B4GALT7: variants seen among roughly 807,000 people sequenced by gnomAD.
The protein encoded by B4GALT7 is beta-1,4-galactosyltransferase 7.
A neutral mutation model predicts 33.0 loss-of-function variants in B4GALT7; 30 were observed. The ratio of observed to expected loss-of-function variants is 0.91; its 90% CI spans 0.68 to 1.23. B4GALT7 has a LOEUF of 1.23. Ranked by LOEUF, B4GALT7 falls within the 50% of genes most tolerant of loss-of-function variation. The pLI is 0.00. For synonymous variants in B4GALT7, 213 were observed against 187.2 expected (o/e 1.14, Z -1.13); for missense variants, 507 against 450.8 (o/e 1.12, Z -1.13).
chr5:177,605,370 T>G, intron 2 of B4GALT7: 1 of 252,054 alleles, frequency 4.0e-6, no homozygotes, highest in African/African-American at 2.3e-5. Flanking sequence ...ATGCCGATGA[T>G]GCCCCTGCCA....
chr5:177,610,159 C>T lies in B4GALT7; in HGVS notation c.*464C>T, dbSNP rs2127514981. 1.0e-5 allele frequency: 2 copies of T among 198,838 alleles called. No homozygotes were observed. Among genetic ancestry groups the T allele is most frequent in the African/African-American group, 4.6e-5 (2 of 43,594 alleles). The allele number at this position is 198,838 out of a possible 1,614,324, so 12.3% of individuals were successfully genotyped here. A position where few individuals can be genotyped will look rare whatever the true frequency, so the allele number is the denominator to read the frequency against. ...GGACTTCAGAAACCAGAGCACAAGCCCCACAGAGGGGGAACAGCCAGCACC... is the reference window on the plus strand; with the variant it reads ...GGACTTCAGAAACCAGAGCACAAGCTCCACAGAGGGGGAACAGCCAGCACC... On this transcript the variant is annotated 3_prime_UTR_variant, in exon 6 of 6. Transcript: ENST00000029410.
chr5:177,604,566 C>T, intron 2 of B4GALT7, 25 bp downstream of exon 2: 4 of 1,613,152 alleles, frequency 2.5e-6, no homozygotes, highest in Non-Finnish European at 8.5e-7. Context: ...CACCCTCTCC[C>T]CTCGGCACCC....
At chr5:177,605,084 C>G (rs1326017211) in intron 2 of B4GALT7, 1 of 455,532 alleles carries the variant, frequency 2.2e-6, no homozygotes, top group Non-Finnish European at 4.4e-6. Context: ...CCCCACCAGC[C>G]TGATCTTCCC....
At position 177,604,532 on chromosome 5, in the gene B4GALT7, A is replaced by T; in HGVS notation, c.404A>T (p.Asp135Val). The change falls in exon 2 of 6, where the codon GAC becomes GTC. Residue 135 changes from aspartate (D) to valine (V), a missense_variant. Asp to Val is a radical substitution (Grantham distance 152, BLOSUM62 -3). Coordinates refer to ENST00000029410, the MANE Select transcript of B4GALT7 (RefSeq NM_007255.3). The stretch of plus-strand genomic sequence containing the variant: ...CACATCTACGTGCTCAACCAGGTGG[A>T]CCACTTCAGGTAGCGCCCGCCCCCA... ...RHHIYVLNQV[D>V]HFRFNRAALI... is the part of the protein sequence containing the mutation. 6.2e-7 allele frequency: 1 copy of T among 1,613,674 alleles called. No individual in the cohort carries two copies. Among genetic ancestry groups the T allele is most frequent in the Non-Finnish European group, 8.5e-7 (1 of 1,179,914 alleles).
chr5:177,609,477 G>C, intron 5 of B4GALT7, 63 bp from the exon 6 acceptor site: 1 of 1,596,532 alleles, frequency 6.3e-7, no homozygotes, highest in East Asian at 2.2e-5. Context: ...GTTGTGTGGG[G>C]TCAGTGGGTA....
chr5:177,609,760 C>T lies in B4GALT7; in HGVS notation c.*65C>T. 1 of 1,545,380 alleles carries T rather than the reference C, an allele frequency of 6.5e-7. No individual in the cohort carries two copies. The highest frequency in any genetic ancestry group is 1.4e-5 in the African/African-American group (1 of 73,104). On this transcript the variant is annotated 3_prime_UTR_variant, in exon 6 of 6. Transcript: ENST00000029410. ...ATTGCTCAGGCTCAGGACAAGGCCT[C>T]AGGTCGTGGGCCCAGCTCTGACAGG...
chr5:177,609,838 C>A lies in B4GALT7; in HGVS notation c.*143C>A. On this transcript the variant is annotated 3_prime_UTR_variant, in exon 6 of 6. Coordinates refer to ENST00000029410, the MANE Select transcript of B4GALT7 (RefSeq NM_007255.3). Reference sequence around the variant, plus strand: ...AAGCTACGCAATTGCAGCCACCCGGCCGCCAAGGCAGGCTTGGGCTGGGCC... The same window carrying A: ...AAGCTACGCAATTGCAGCCACCCGGACGCCAAGGCAGGCTTGGGCTGGGCC... The A allele has an allele frequency of 8.5e-7, 1 of 1,171,956 alleles. No homozygotes were observed. Among genetic ancestry groups the A allele is most frequent in the Non-Finnish European group, 1.2e-6 (1 of 826,976 alleles). The allele number at this position is 1,171,956 out of a possible 1,614,324, so 72.6% of individuals were successfully genotyped here.
chr5:177,608,163 G>T lies in B4GALT7; in HGVS notation c.640-376G>T. 3.6e-6 allele frequency: 1 copy of T among 279,688 alleles called. No individual in the cohort carries two copies. 17.3% of individuals were successfully genotyped at this position (279,688 alleles called of 1,614,324 possible). A position where few individuals can be genotyped will look rare whatever the true frequency, so the allele number is the denominator to read the frequency against. On this transcript the variant is annotated intron_variant, in intron 3 of 5. Coordinates refer to ENST00000029410, the MANE Select transcript of B4GALT7 (RefSeq NM_007255.3). The surrounding 1 kb of genome is among the most constrained non-coding windows in gnomAD (Gnocchi z 4.1). The stretch of plus-strand genomic sequence containing the variant: ...GGTGCAAGAATGGGTGTCTGTCATG[G>T]AACCCTGCTACCCCTCTCACACACA...
chr5:177,605,547 C>T (rs1767969921), intron 2 of B4GALT7, among the ~76,000 whole-genome samples: 1 of 152,220 alleles, frequency 6.6e-6, no homozygotes, highest in African/African-American at 2.4e-5. Context: ...TCCCCAGTTC[C>T]CTCCACAACT....
Position 177,608,840 on chromosome 5 carries a change from C to G in B4GALT7, c.724-70C>G, listed in dbSNP as rs1217635977. 7.2e-7 allele frequency: 1 copy of G among 1,390,158 alleles called. No homozygotes were observed. The highest frequency in any genetic ancestry group is 2.3e-5 in the East Asian group (1 of 43,792). 86.1% of individuals were successfully genotyped at this position (1,390,158 alleles called of 1,614,324 possible). ...GTGCAGGTCCCTTCCTGTGGGACCT[C>G]GGGAGCTGGTGGTGAGGGCTGGGGC... is the stretch of plus-strand genomic sequence containing the variant. On this transcript the variant is annotated intron_variant, in intron 4 of 5. Transcript: ENST00000029410. The surrounding 1 kb of genome is among the most constrained non-coding windows in gnomAD (Gnocchi z 4.1).
intron 3 of B4GALT7, 81 bp downstream of exon 3, chr5:177,607,608 T>C: frequency 7.3e-7 from 1 of 1,378,946 alleles, no homozygotes; most frequent in Non-Finnish European, 1.0e-6. Context: ...GGGCAGTGCC[T>C]CTGGGGCCCA....
Position 177,604,430 on chromosome 5 carries a change from T to C in B4GALT7, c.302T>C (p.Phe101Ser), listed in dbSNP as rs771088509. 2.5e-5 allele frequency: 41 copies of C among 1,613,788 alleles called. No individual in the cohort carries two copies. The highest frequency in any genetic ancestry group is 3.4e-5 in the Non-Finnish European group (40 of 1,179,890). Residue 101 changes from phenylalanine (F) to serine (S), a missense_variant, in exon 2 of 6, where the codon TTC becomes TCC. Transcript: ENST00000029410. Reference protein sequence around the residue: ...GPHRLAVLVPFRERFEELLVF... With the variant: ...GPHRLAVLVPSRERFEELLVF... Reference sequence around the variant, plus strand: ...CACCGCCTGGCAGTGCTGGTGCCCTTCCGCGAACGCTTCGAGGAGCTCCTG... The same window carrying C: ...CACCGCCTGGCAGTGCTGGTGCCCTCCCGCGAACGCTTCGAGGAGCTCCTG...
rs1020348768 is a variant in B4GALT7 at position 177,600,578 on chromosome 5, T to A, written c.50+318T>A. On this transcript the variant is annotated intron_variant, in intron 1 of 5. Coordinates refer to ENST00000029410, the MANE Select transcript of B4GALT7 (RefSeq NM_007255.3). The surrounding 1 kb of genome is among the most constrained non-coding windows in gnomAD (Gnocchi z 4.4). ...ATCCCCTCTTTGCTAGTCTCTCTCG[T>A]TATGTGTTTCGTTGTGTCTGTGTTT... Among the ~76,000 whole-genome samples, 15 of 152,122 alleles carry A rather than the reference T, an allele frequency of 9.9e-5. No homozygotes were observed. The highest frequency in any genetic ancestry group is 7.8e-4 in the Admixed American group (12 of 15,290).
intron 1 of B4GALT7, 42 bp from the exon 2 acceptor site, chr5:177,604,137 G>C (rs761624212): frequency 6.2e-7 from 1 of 1,611,990 alleles, no homozygotes; most frequent in South Asian, 1.1e-5. Flanking sequence ...CACAGGGCCA[G>C]CCCTGCCCCG....
intron 1 of B4GALT7, among the ~76,000 whole-genome samples, chr5:177,602,295 C>T (rs1168863381): frequency 6.6e-6 from 1 of 152,118 alleles, no homozygotes; most frequent in African/African-American, 2.4e-5. Flanking sequence ...TTGGCGGTCT[C>T]TCTAGAAAAA....
intron 1 of B4GALT7, among the ~76,000 whole-genome samples, chr5:177,602,163 A>G (rs1157013724): frequency 2.0e-5 from 3 of 152,044 alleles, no homozygotes; most frequent in Non-Finnish European, 2.9e-5. Context: ...GCTCCTCCCC[A>G]GCTGAATCCA....
rs531076640 is a variant in B4GALT7 at position 177,609,260 on chromosome 5, G to A, written c.828+246G>A. ...GCTGGCAGGGTGGGGTGGCGGAGGC[G>A]TAGCTGAAGGTGCCAGAATCCCAGC... is the stretch of plus-strand genomic sequence containing the variant. On this transcript the variant is annotated intron_variant, in intron 5 of 5. Transcript: ENST00000029410. 7.9e-5 allele frequency among the ~76,000 whole-genome samples: 12 copies of A among 152,290 alleles called. No individual in the cohort carries two copies. The South Asian group carries it at 8.3e-4, about 11-fold the overall frequency.
chr5:177,605,209 C>T (rs1767955711), intron 2 of B4GALT7: 1 of 359,880 alleles, frequency 2.8e-6, no homozygotes, highest in Admixed American at 3.6e-5. Context: ...CATTAAAACC[C>T]TCCCTGGCAT....
intron 5 of B4GALT7, 148 bp downstream of exon 5, chr5:177,609,162 C>T (rs927133808): frequency 3.3e-5 from 26 of 780,048 alleles, no homozygotes; most frequent in African/African-American, 6.8e-5. Context: ...GCTTGGGCAC[C>T]GTGCCCTGCT....
Sources: gnomAD v4.1 joint callset for allele counts (sites outside exome capture counted in the v4.1 genomes callset) on GRCh38, gnomAD v4.1.1 for gene constraint, Gnocchi (gnomAD v3.1) non-coding constraint, MANE v1.5 for transcripts, NCBI Gene and HGNC (gene_info 2026-07-23, HGNC 2026-07-21) for gene names.